The following JAKMIP3 variants were observed in gnomAD, a reference collection of about 807,000 sequenced individuals.
The protein encoded by JAKMIP3 is Janus kinase and microtubule interacting protein 3.
Under a neutral mutation model 118.5 loss-of-function variants are expected in JAKMIP3, and 58 were observed. The observed-to-expected ratio is 0.49, with a 90% CI of 0.40 to 0.61. The LOEUF (loss-of-function observed/expected upper bound fraction) is 0.61. Among genes scored for constraint, JAKMIP3 ranks in the 20% least tolerant of loss-of-function variants. The probability of loss-of-function intolerance (pLI) is 0.00; values close to 1 mark genes in which losing one functional copy is unlikely to be tolerated. For missense variants in JAKMIP3, 950 were observed against 1,109.0 expected, an observed-to-expected ratio of 0.86 and a Z score of 2.04; for synonymous variants, 486 against 451.2, an observed-to-expected ratio of 1.08 and a Z score of -0.98.
At position 132,118,669 on chromosome 10, in the gene JAKMIP3, G is replaced by T. The variant is rs1200417110; in HGVS notation, c.633+1095G>T. Among the ~76,000 whole-genome samples the T allele has an allele frequency of 2.0e-5, 3 of 152,322 alleles. No homozygotes were observed. The East Asian group carries it at 5.8e-4, about 29-fold the overall frequency. ...TATGACCTCGCCACAGTGTACACGTGGGTGCCCCCAAACGTGCCTAACCCG... is the reference window on the plus strand; with the variant it reads ...TATGACCTCGCCACAGTGTACACGTTGGTGCCCCCAAACGTGCCTAACCCG... On this transcript the variant is annotated intron_variant, in intron 3 of 23. Coordinates refer to ENST00000684848, the MANE Select transcript of JAKMIP3 (RefSeq NM_001323087.2). This position sits in a 1 kb window ranked among gnomAD's most constrained non-coding sequence, Gnocchi z 4.8.
chr10:132,050,097 T>C (rs757910424), intron 1 of JAKMIP3, among the ~76,000 whole-genome samples: 18 of 152,198 alleles, frequency 1.2e-4, no homozygotes, highest in Non-Finnish European at 1.0e-4. Flanking sequence ...AAAGGGAGCT[T>C]CTCTCTTCCT....
rs547833056 is a variant in JAKMIP3 at position 132,137,122 on chromosome 10, A to G, written c.1220A>G (p.Gln407Arg). ...TTCTTGAAGCTTCAGATTGTGGAGC[A>G]GCAAAACCTCATAGATGAACTGTCT... is the stretch of plus-strand genomic sequence containing the variant. ...VDFLKLQIVEQQNLIDELSKT... is the reference protein window; with the variant it reads ...VDFLKLQIVERQNLIDELSKT... The change falls in exon 7 of 24, where the codon CAG becomes CGG. Residue 407 changes from glutamine (Q) to arginine (R), a missense_variant. Gln to Arg is a conservative substitution (Grantham distance 43, BLOSUM62 1). Transcript: ENST00000684848. 13 of 1,613,994 alleles carry G rather than the reference A, an allele frequency of 8.1e-6. No homozygotes were observed. The African/African-American group carries it at 1.7e-4, about 21-fold the overall frequency.
At chr10:132,147,199 C>T (rs776616286) in intron 13 of JAKMIP3, among the ~76,000 whole-genome samples, 2 of 152,188 alleles carry the variant, frequency 1.3e-5, no homozygotes, top group African/African-American at 2.4e-5. Flanking sequence ...CCCACTGAGC[C>T]GGCTCACTCC....
intron 14 of JAKMIP3, among the ~76,000 whole-genome samples, 175 bp downstream of exon 14, chr10:132,148,225 C>A (rs1026683232): frequency 1.3e-5 from 2 of 152,196 alleles, no homozygotes; most frequent in African/African-American, 2.4e-5. Context: ...TTCATACCGG[C>A]CGTCCAAACA....
At chr10:132,150,203 C>A (rs2055818480) in intron 16 of JAKMIP3, among the ~76,000 whole-genome samples, 162 bp downstream of exon 16, 1 of 151,764 alleles carries the variant, frequency 6.6e-6, no homozygotes, top group Non-Finnish European at 1.5e-5. Flanking sequence ...TCGGAGCCTT[C>A]CTCACACTGC....
At chr10:132,115,099 A>G (rs2047421475) in intron 2 of JAKMIP3, among the ~76,000 whole-genome samples, 1 of 152,202 alleles carries the variant, frequency 6.6e-6, no homozygotes, top group African/African-American at 2.4e-5. Context: ...TTCCATAGAC[A>G]CTTCCCCAAG....
In JAKMIP3 at chr10:132,117,474, C is replaced by T. The variant is rs1165488740; in HGVS notation, c.533C>T (p.Ala178Val). Residue 178 changes from alanine to valine, a missense_variant, in exon 3 of 24, where the codon GCG becomes GTG. Coordinates refer to ENST00000684848, the MANE Select transcript of JAKMIP3 (RefSeq NM_001323087.2). The surrounding 1 kb of genome is among the most constrained non-coding windows in gnomAD (Gnocchi z 8.6). The part of the protein sequence containing the change: ...VEEALTLVIQ[A>V]DKIKAAEIRS... ...GAGGCGCTGACGCTGGTGATCCAAG[C>T]GGACAAGATCAAGGCCGCAGAGATC... The T allele has an allele frequency of 6.8e-6, 11 of 1,613,604 alleles. No homozygotes were observed. The highest frequency in any genetic ancestry group is 2.2e-5 in the East Asian group (1 of 44,868).
At chr10:132,113,632 C>A (rs1427106069) in intron 2 of JAKMIP3, among the ~76,000 whole-genome samples, 3 of 152,176 alleles carry the variant, frequency 2.0e-5, no homozygotes, top group African/African-American at 7.2e-5. Context: ...AAAGAGATAG[C>A]GGGGCTTTGT....
At chr10:132,154,536 C>T (rs1023326482) in intron 19 of JAKMIP3, among the ~76,000 whole-genome samples, 5 of 152,200 alleles carry the variant, frequency 3.3e-5, no homozygotes. Flanking sequence ...ATCATCTGTC[C>T]CTGCTGGACT....
intron 2 of JAKMIP3, among the ~76,000 whole-genome samples, chr10:132,111,578 C>G (rs2046885105): frequency 6.6e-6 from 1 of 151,804 alleles, no homozygotes; most frequent in African/African-American, 2.4e-5. Context: ...CTATAGTCTG[C>G]CTGGGGACAC....
intron 23 of JAKMIP3, among the ~76,000 whole-genome samples, chr10:132,180,079 A>G (rs1017890411): frequency 6.6e-6 from 1 of 152,198 alleles, no homozygotes; most frequent in African/African-American, 2.4e-5. Context: ...CAGGCCCTCA[A>G]AAGGAAGGCT....
rs190263036 is a variant in JAKMIP3 at position 132,182,093 on chromosome 10, G to A, written c.*1104-264G>A. On this transcript the variant is annotated intron_variant, in intron 23 of 23. Transcript: ENST00000684848. ...AAGATCCAAGGTCACTTCTGTAGGG[G>A]CTTTGTGAGGAGCATGGACTCATCT... is the stretch of plus-strand genomic sequence containing the variant. 3.9e-5 allele frequency among the ~76,000 whole-genome samples: 6 copies of A among 152,384 alleles called. No individual in the cohort carries two copies. In the East Asian group the frequency reaches 1.2e-3, roughly 29 times the overall value.
At chr10:132,165,985 C>T (rs140170820) in intron 21 of JAKMIP3, among the ~76,000 whole-genome samples, 1 of 152,346 alleles carries the variant, frequency 6.6e-6, no homozygotes, top group African/African-American at 2.4e-5. Flanking sequence ...ATGTCTGTTT[C>T]ATTTTGCATC....
chr10:132,141,910 G>T lies in JAKMIP3; in HGVS notation c.1474-10G>T. ...GTCTCTGTGCGTGTGTGGCATCCGT[G>T]TCTCTCCAGGGCATGGCCAAGGAGG... On this transcript the variant is annotated splice_polypyrimidine_tract_variant and intron_variant, in intron 10 of 23. Transcript: ENST00000684848. 1 of 1,590,610 alleles carries T rather than the reference G, an allele frequency of 6.3e-7. No homozygotes were observed. The highest frequency in any genetic ancestry group is 8.6e-7 in the Non-Finnish European group (1 of 1,169,268).
chr10:132,102,901 C>G (rs67737637), intron 1 of JAKMIP3, among the ~76,000 whole-genome samples: 3 of 149,840 alleles, frequency 2.0e-5, no homozygotes, highest in African/African-American at 7.4e-5. Flanking sequence ...TTCACCAGGC[C>G]GGAGAGGAGA....
Position 132,153,832 on chromosome 10 carries a change from G to C in JAKMIP3, c.2142+5G>C, listed in dbSNP as rs2056647841. The stretch of plus-strand genomic sequence containing the variant: ...GTGGATCTGGAGAGCGAGAAGGTTG[G>C]TGGCACCTTCACCGAGGTTCTGCGG... On this transcript the variant is annotated splice_donor_5th_base_variant and intron_variant, in intron 18 of 23. Transcript: ENST00000684848. The C allele has an allele frequency of 1.2e-6, 2 of 1,613,140 alleles. No homozygotes were observed. Among genetic ancestry groups the C allele is most frequent in the Non-Finnish European group, 1.7e-6 (2 of 1,179,806 alleles).
chr10:132,173,363 C>T (rs2059814740), intron 23 of JAKMIP3, among the ~76,000 whole-genome samples: 1 of 150,940 alleles, frequency 6.6e-6, no homozygotes, highest in African/African-American at 2.4e-5. Context: ...ATACTTGGCG[C>T]TTGCTGTCTG....
intron 3 of JAKMIP3, among the ~76,000 whole-genome samples, chr10:132,119,643 T>C (rs1178415313): frequency 6.6e-6 from 1 of 152,236 alleles, no homozygotes; most frequent in Non-Finnish European, 1.5e-5. Flanking sequence ...CACGTTCTCC[T>C]GCTTTGTTCA....
chr10:132,085,048 C>A (rs7912463), intron 1 of JAKMIP3, among the ~76,000 whole-genome samples: 12,985 of 152,016 alleles, frequency 0.085, 1,333 homozygotes, highest in African/African-American at 0.24. Flanking sequence ...TTAGTTATGT[C>A]CTTTCCTTGT....
Sources: gnomAD v4.1 joint callset for allele counts (sites outside exome capture counted in the v4.1 genomes callset) on GRCh38, gnomAD v4.1.1 for gene constraint, Gnocchi (gnomAD v3.1) non-coding constraint, MANE v1.5 for transcripts, NCBI Gene and HGNC (gene_info 2026-07-23, HGNC 2026-07-21) for gene names.